Variants in SLC2A9 observed in about 807,000 individuals in gnomAD.
SLC2A9 encodes solute carrier family 2 member 9, also known as solute carrier family 2, facilitated glucose transporter member 9.
Under a neutral mutation model 50.6 loss-of-function variants are expected in SLC2A9, and 39 were observed. The ratio of observed to expected loss-of-function variants is 0.77; its 90% confidence interval spans 0.60 to 1.01. SLC2A9 has a LOEUF of 1.01. Among genes scored for constraint, SLC2A9 ranks in the 50% least tolerant of loss-of-function variants. The pLI, the probability that SLC2A9 is intolerant of heterozygous loss-of-function variation, is 0.00. For synonymous variants in SLC2A9, 324 were observed against 276.9 expected (o/e 1.17, Z -1.69); for missense variants, 686 against 677.6 (o/e 1.01, Z -0.14).
intron 10 of SLC2A9, among the ~76,000 whole-genome samples, chr4:9,836,756 C>G (rs550106309): frequency 6.6e-6 from 1 of 152,262 alleles, no homozygotes; most frequent in South Asian, 2.1e-4. Context: ...GGAGAAAAGC[C>G]TGGAGGGTGT....
At chr4:9,824,967 G>A (rs1225829914), downstream of SLC2A9, among the ~76,000 whole-genome samples, 1 of 152,160 alleles carries the variant, frequency 6.6e-6, no homozygotes, top group East Asian at 1.9e-4. Flanking sequence ...AGTGATGAAA[G>A]AATACTCCAC....
downstream of SLC2A9, among the ~76,000 whole-genome samples, chr4:9,823,431 C>CT (rs896547312): frequency 5.5e-4 from 83 of 152,116 alleles, no homozygotes; most frequent in African/African-American, 1.8e-3. Context: ...TGGAAAACAA[C>CT]TTTTTTTTGT....
intron 11 of SLC2A9, among the ~76,000 whole-genome samples, chr4:9,833,738 T>G (rs1002528259): frequency 6.6e-6 from 1 of 152,034 alleles, no homozygotes; most frequent in Non-Finnish European, 1.5e-5. Context: ...TAGAACTGAG[T>G]GTCCAGAATA....
chr4:9,773,948 T>G (rs1465861854), intron 1 of SLC2A9, among the ~76,000 whole-genome samples: 3 of 151,630 alleles, frequency 2.0e-5, no homozygotes. Flanking sequence ...GTCTTATTGA[T>G]ACACAGAACA....
At chr4:9,902,003 C>G (rs961735274) in intron 8 of SLC2A9, among the ~76,000 whole-genome samples, 4 of 152,220 alleles carry the variant, frequency 2.6e-5, no homozygotes, top group Non-Finnish European at 5.9e-5. Flanking sequence ...CCTACATGCC[C>G]TCGGCTGCCC....
intron 2 of SLC2A9, among the ~76,000 whole-genome samples, chr4:10,017,159 C>T (rs1311625434): frequency 2.0e-5 from 3 of 152,228 alleles, no homozygotes; most frequent in Non-Finnish European, 2.9e-5. Context: ...AAACTCTCAA[C>T]AATGCTTGCT....
chr4:9,858,264 G>A (rs371035642), intron 10 of SLC2A9, among the ~76,000 whole-genome samples: 32 of 152,154 alleles, frequency 2.1e-4, no homozygotes, highest in East Asian at 1.3e-3. Context: ...GCAGGAGCTG[G>A]ACTTTGGCGG....
chr4:9,911,004 G>C (rs374399894), intron 7 of SLC2A9, among the ~76,000 whole-genome samples: 1 of 151,568 alleles, frequency 6.6e-6, no homozygotes, highest in South Asian at 2.1e-4. Context: ...GTTGGGGTGT[G>C]GGGGGGCTAG....
intron 10 of SLC2A9, chr4:9,880,592 A>C: frequency 6.1e-6 from 6 of 984,906 alleles, no homozygotes; most frequent in Non-Finnish European, 7.2e-6. Flanking sequence ...TGGTTAGCAA[A>C]GAACTTCAGG....
At chr4:9,902,408 T>C (rs896444570) in intron 8 of SLC2A9, among the ~76,000 whole-genome samples, 2 of 152,192 alleles carry the variant, frequency 1.3e-5, no homozygotes, top group East Asian at 3.9e-4. Context: ...CTTTGAGAGG[T>C]AGCAGGGCAG....
At chr4:9,918,720 G>C (rs543881258) in intron 7 of SLC2A9, among the ~76,000 whole-genome samples, 55 of 152,184 alleles carry the variant, frequency 3.6e-4, no homozygotes, top group Non-Finnish European at 7.3e-4. Context: ...GGAGCAGCTG[G>C]CCTGGGTTTC....
At chr4:9,832,438 T>C (rs1012836368) in intron 11 of SLC2A9, among the ~76,000 whole-genome samples, 12 of 152,182 alleles carry the variant, frequency 7.9e-5, no homozygotes, top group African/African-American at 2.9e-4. Flanking sequence ...TAAACGTATC[T>C]ACCTGCCCAG....
chr4:9,851,937 C>A (rs1051114044), intron 10 of SLC2A9, among the ~76,000 whole-genome samples: 1 of 152,194 alleles, frequency 6.6e-6, no homozygotes, highest in Non-Finnish European at 1.5e-5. Context: ...GAGAGCAAAT[C>A]TATGACTCAC....
At chr4:9,799,659 C>A (rs7679464) in intron 3 of SLC2A9, among the ~76,000 whole-genome samples, 73,639 of 143,234 alleles carry the variant, frequency 0.51, 20,331 homozygotes, top group Non-Finnish European at 0.62. Flanking sequence ...AATGACTCTG[C>A]AAGTGCAGCT....
At chr4:9,931,962 C>CTCTCTATATA (rs1560329576) in intron 6 of SLC2A9, among the ~76,000 whole-genome samples, 3 of 14,576 alleles carry the variant, frequency 2.1e-4, no homozygotes, top group African/African-American at 3.8e-4. Context: ...CTCTCTCTCT[C>CTCTCTATATA]TATATATATA....
rs202018458 is a variant in SLC2A9 at position 9,782,947 on chromosome 4, G to A, written n.386-2882C>T. ...TGTCGGTGATCATGGGGGTCTTCGT[G>A]TGTTGCTGGCTGCCCTTCTTCATCC... On this transcript the variant is annotated intron_variant and non_coding_transcript_variant, in intron 3 of 3. Coordinates refer to the SLC2A9 transcript ENST00000503803. The A allele has an allele frequency of 1.8e-4, 284 of 1,613,926 alleles. 4 individuals are homozygous for A. In the East Asian group the frequency reaches 6.2e-3, roughly 35 times the overall value.
At chr4:10,038,726 A>G (rs550441016) in intron 1 of SLC2A9, among the ~76,000 whole-genome samples, 37 of 152,288 alleles carry the variant, frequency 2.4e-4, no homozygotes, top group South Asian at 1.9e-3. Flanking sequence ...ACGCAATGAC[A>G]TGGAGCATGT....
intron 5 of SLC2A9, among the ~76,000 whole-genome samples, chr4:9,958,242 C>T (rs1473597821): frequency 6.6e-6 from 1 of 152,158 alleles, no homozygotes; most frequent in African/African-American, 2.4e-5. Context: ...AAAGCTTTGT[C>T]TTCATTGCAT....
chr4:9,859,247 A>AT (rs1731225078), intron 10 of SLC2A9, among the ~76,000 whole-genome samples: 1 of 10,894 alleles, frequency 9.2e-5, no homozygotes, highest in Non-Finnish European at 1.9e-4. Flanking sequence ...CCTCTAAAGA[A>AT]CCCTATTATA....
Sources: gnomAD v4.1 joint callset for allele counts (sites outside exome capture counted in the v4.1 genomes callset) on GRCh38, gnomAD v4.1.1 for gene constraint, MANE v1.5 for transcripts, NCBI Gene and HGNC (gene_info 2026-07-23, HGNC 2026-07-21) for gene names.